The following PALM2AKAP2 variants were observed in gnomAD, a reference collection of about 807,000 sequenced individuals.
PALM2AKAP2 encodes PALM2 and AKAP2 fusion.
Under a neutral mutation model 71.5 loss-of-function variants are expected in PALM2AKAP2, and 37 were observed. That is an observed-to-expected ratio of 0.52 (90% CI 0.40 to 0.68). PALM2AKAP2 has a LOEUF of 0.68. Ranked by LOEUF, PALM2AKAP2 falls within the 30% of genes least tolerant of loss-of-function variation. The pLI, the probability that PALM2AKAP2 is intolerant of heterozygous loss-of-function variation, is 0.00. For missense variants in PALM2AKAP2, 1,224 were observed against 1,191.8 expected (o/e 1.03, Z -0.40); for synonymous variants, 468 against 478.8 (o/e 0.98, Z 0.29).
At chr9:109,762,081 T>C (rs1351212033) in intron 1 of PALM2AKAP2, among the ~76,000 whole-genome samples, 1 of 151,968 alleles carries the variant, frequency 6.6e-6, no homozygotes, top group Non-Finnish European at 1.5e-5. Context: ...GCTTTTACAC[T>C]GTTGGTGGGA....
chr9:110,100,753 C>G (rs1011107892), intron 1 of PALM2AKAP2, among the ~76,000 whole-genome samples: 2 of 152,148 alleles, frequency 1.3e-5, no homozygotes, highest in Non-Finnish European at 2.9e-5. Flanking sequence ...TTCTGGATAA[C>G]TACTACAATT....
intron 6 of PALM2AKAP2, among the ~76,000 whole-genome samples, chr9:109,980,445 T>A (rs757352594): frequency 1.1e-4 from 16 of 152,222 alleles, no homozygotes; most frequent in Non-Finnish European, 1.9e-4. Flanking sequence ...AAAAGAGCTC[T>A]GCATGCTCCT....
chr9:110,162,872 T>A (rs1340104054), intron 3 of PALM2AKAP2, among the ~76,000 whole-genome samples: 1 of 151,952 alleles, frequency 6.6e-6, no homozygotes, highest in African/African-American at 2.4e-5. Context: ...CCAGCTAATT[T>A]ATTTTTTTAT....
At chr9:109,670,969 TG>T (rs1827563875) in intron 1 of PALM2AKAP2, among the ~76,000 whole-genome samples, 2 of 152,164 alleles carry the variant, frequency 1.3e-5, no homozygotes. Context: ...TGGGGTTGTT[TG>T]GTTTCTTTTC....
intron 6 of PALM2AKAP2, chr9:109,945,566 C>T (rs1831483698): frequency 6.6e-6 from 1 of 152,148 alleles, no homozygotes; most frequent in African/African-American, 2.4e-5. Context: ...AAAACAGTTT[C>T]AATGTCTTGG....
chr9:109,869,697 A>G (rs1374895811), intron 2 of PALM2AKAP2, among the ~76,000 whole-genome samples: 1 of 99,414 alleles, frequency 1.0e-5, no homozygotes, highest in East Asian at 2.7e-4. Context: ...CAACAGTAGA[A>G]ATTAACTTGG....
intron 1 of PALM2AKAP2, among the ~76,000 whole-genome samples, chr9:110,116,363 CGTGTGT>C (rs964610072): frequency 6.6e-6 from 1 of 151,060 alleles, no homozygotes; most frequent in Non-Finnish European, 1.5e-5. Context: ...CCCGTGTGTG[CGTGTGT>C]GTGTGCGTGT....
chr9:109,774,370 T>C (rs1587903508), intron 1 of PALM2AKAP2, among the ~76,000 whole-genome samples: 1 of 152,326 alleles, frequency 6.6e-6, no homozygotes, highest in African/African-American at 2.4e-5. Context: ...ACCTTCAATA[T>C]GTAGGCATGT....
chr9:109,891,606 T>C (rs538542280), intron 3 of PALM2AKAP2, among the ~76,000 whole-genome samples: 282 of 152,258 alleles, frequency 1.9e-3, no homozygotes, highest in African/African-American at 6.6e-3. Flanking sequence ...CTCTCCTGTC[T>C]CAGCCTCCTG....
At chr9:109,742,481 G>A (rs549211659) in intron 1 of PALM2AKAP2, among the ~76,000 whole-genome samples, 1 of 152,056 alleles carries the variant, frequency 6.6e-6, no homozygotes, top group African/African-American at 2.4e-5. Flanking sequence ...TCTAAAAGAT[G>A]GCAATCCCAG....
chr9:109,793,009 C>T (rs1827158520), intron 1 of PALM2AKAP2, among the ~76,000 whole-genome samples: 1 of 152,084 alleles, frequency 6.6e-6, no homozygotes, highest in Non-Finnish European at 1.5e-5. Flanking sequence ...GGTGAAAATA[C>T]TCTTTGAAAA....
At chr9:109,655,292 C>A (rs1175385918) in intron 1 of PALM2AKAP2, among the ~76,000 whole-genome samples, 1 of 89,614 alleles carries the variant, frequency 1.1e-5, no homozygotes, top group Non-Finnish European at 2.2e-5. Context: ...GAGCGAGACT[C>A]GGTCTCAAAA....
At chr9:109,810,088 G>A (rs1362565939) in intron 1 of PALM2AKAP2, among the ~76,000 whole-genome samples, 1 of 152,286 alleles carries the variant, frequency 6.6e-6, no homozygotes, top group African/African-American at 2.4e-5. Context: ...TGATAATTAG[G>A]TTTTCAACAT....
chr9:109,893,242 GT>G (rs998740503), intron 3 of PALM2AKAP2, among the ~76,000 whole-genome samples: 1 of 152,146 alleles, frequency 6.6e-6, no homozygotes, highest in Non-Finnish European at 1.5e-5. Flanking sequence ...TAATCTGTCT[GT>G]TTACCACCTA....
intron 1 of PALM2AKAP2, among the ~76,000 whole-genome samples, chr9:109,837,289 G>A (rs180961659): frequency 1.3e-5 from 2 of 152,308 alleles, no homozygotes; most frequent in Admixed American, 6.5e-5. Flanking sequence ...AGCTTCATTA[G>A]TGAAGGAGAA....
At position 109,784,078 on chromosome 9, in the gene PALM2AKAP2, C is replaced by T. The variant is rs562812568; in HGVS notation, c.45+3545C>T. Among the ~76,000 whole-genome samples the T allele has an allele frequency of 2.0e-5, 3 of 152,230 alleles. No homozygotes were observed. In the South Asian group the frequency reaches 6.2e-4, roughly 32 times the overall value. On this transcript the variant is annotated intron_variant, in intron 1 of 9. Coordinates refer to the PALM2AKAP2 transcript ENST00000302798. The stretch of plus-strand genomic sequence containing the variant: ...CTCTACACTCACATGCTCCTTTCTT[C>T]TGTAGGGATACTCCCCAAACTTTAC...
upstream of PALM2AKAP2, chr9:110,048,567 G>A (rs571277181): frequency 2.6e-3 from 2,353 of 912,574 alleles, 6 homozygotes; most frequent in Non-Finnish European, 3.2e-3. Flanking sequence ...GGGAGGGGAG[G>A]GGAGGGAGGG....
chr9:109,939,470 T>C (rs1831309045), intron 6 of PALM2AKAP2, among the ~76,000 whole-genome samples: 1 of 152,250 alleles, frequency 6.6e-6, no homozygotes, highest in South Asian at 2.1e-4. Context: ...TTGTTCCATA[T>C]TCTGTATTGA....
intron 1 of PALM2AKAP2, among the ~76,000 whole-genome samples, chr9:109,736,106 A>G (rs1490674693): frequency 6.6e-6 from 1 of 152,214 alleles, no homozygotes; most frequent in Non-Finnish European, 1.5e-5. Flanking sequence ...TCCAGCATCT[A>G]GGATCAGACT....
Sources: allele counts gnomAD v4.1 joint callset (sites outside exome capture counted in the v4.1 genomes callset), GRCh38; gene constraint gnomAD v4.1.1; transcripts MANE v1.5; gene names NCBI Gene and HGNC (gene_info 2026-07-23, HGNC 2026-07-21).